The following ACAP2 variants were observed in gnomAD, a reference collection of about 807,000 sequenced individuals.
ACAP2 encodes ArfGAP with coiled-coil, ankyrin repeat and PH domains 2.
In ACAP2, 39 loss-of-function variants were observed where a neutral mutation model predicts 115.8. That is an observed-to-expected ratio of 0.34 (90% CI 0.26 to 0.44). ACAP2 has a LOEUF of 0.44. Ranked by LOEUF, ACAP2 falls within the 20% of genes least tolerant of loss-of-function variation. ACAP2 has a pLI of 1.00. For missense variants in ACAP2, 662 were observed against 927.6 expected (o/e 0.71, Z 3.72); for synonymous variants, 289 against 315.8 (o/e 0.92, Z 0.90).
intron 1 of ACAP2, among the ~76,000 whole-genome samples, chr3:195,435,193 TAGAC>T (rs1715441004): frequency 6.6e-6 from 1 of 151,764 alleles, no homozygotes; most frequent in Admixed American, 6.6e-5. Flanking sequence ...CTTTTTTTTT[TAGAC>T]AGAGTCTCAC....
intron 1 of ACAP2, among the ~76,000 whole-genome samples, chr3:195,421,379 G>C (rs1161168339): frequency 6.6e-6 from 1 of 152,084 alleles, no homozygotes; most frequent in Non-Finnish European, 1.5e-5. Context: ...TCATAATATA[G>C]AAGGCAAAGA....
intron 4 of ACAP2, among the ~76,000 whole-genome samples, chr3:195,371,997 A>C (rs998762158): frequency 6.6e-6 from 1 of 152,226 alleles, no homozygotes; most frequent in African/African-American, 2.4e-5. Flanking sequence ...TAAAATTTAC[A>C]TTGAAACATT....
intron 10 of ACAP2, among the ~76,000 whole-genome samples, chr3:195,312,242 A>C (rs916129977): frequency 5.9e-5 from 9 of 152,098 alleles, no homozygotes; most frequent in African/African-American, 2.2e-4. Context: ...CAAATAGGTA[A>C]ACAACTGGTA....
chr3:195,295,471 G>A, intron 17 of ACAP2: 1 of 575,814 alleles, frequency 1.7e-6, no homozygotes, highest in Non-Finnish European at 3.0e-6. Flanking sequence ...ATCTCCCCTT[G>A]CATTTTAAGC....
intron 4 of ACAP2, among the ~76,000 whole-genome samples, chr3:195,371,062 A>T (rs1412277734): frequency 2.0e-5 from 3 of 151,562 alleles, no homozygotes; most frequent in African/African-American, 7.3e-5. Flanking sequence ...TTTTGGTTCC[A>T]TATAAATTTT....
chr3:195,424,318 A>T (rs1403500859), intron 1 of ACAP2, among the ~76,000 whole-genome samples: 2 of 108,002 alleles, frequency 1.9e-5, no homozygotes, highest in African/African-American at 3.8e-5. Context: ...TTTTTGAAAC[A>T]GAGTCTCGCT....
At chr3:195,326,098 T>C (rs1347067660) in intron 9 of ACAP2, among the ~76,000 whole-genome samples, 1 of 152,222 alleles carries the variant, frequency 6.6e-6, no homozygotes, top group Non-Finnish European at 1.5e-5. Context: ...TACTGGTATT[T>C]TAAATTCTAA....
chr3:195,310,031 G>A (rs999740184), intron 10 of ACAP2, among the ~76,000 whole-genome samples: 1 of 152,304 alleles, frequency 6.6e-6, no homozygotes, highest in African/African-American at 2.4e-5. Flanking sequence ...AGTTTCATGT[G>A]AGATGATTTC....
chr3:195,279,289 G>A lies in ACAP2; in HGVS notation c.*39C>T, dbSNP rs753369388. 1 of 1,394,658 alleles carries A rather than the reference G, an allele frequency of 7.2e-7. No individual in the cohort carries two copies. Among genetic ancestry groups the A allele is most frequent in the Non-Finnish European group, 1.0e-6 (1 of 992,388 alleles). 86.4% of individuals were successfully genotyped at this position (1,394,658 alleles called of 1,614,324 possible). ...TGATTTTTTAGCTGTATACATTAGG[G>A]GGTCACCAGATTTCATATTTTCCCA... On this transcript the variant is annotated 3_prime_UTR_variant, in exon 23 of 23. Transcript: ENST00000326793.
intron 1 of ACAP2, among the ~76,000 whole-genome samples, chr3:195,438,408 T>G (rs1715746206): frequency 6.6e-6 from 1 of 151,396 alleles, no homozygotes; most frequent in South Asian, 2.1e-4. Flanking sequence ...AAAAAAAAAT[T>G]TCCCCTCAGC....
At chr3:195,354,514 C>T (rs957855997) in intron 4 of ACAP2, among the ~76,000 whole-genome samples, 1 of 152,090 alleles carries the variant, frequency 6.6e-6, no homozygotes, top group African/African-American at 2.4e-5. Context: ...CCTTTGCCTG[C>T]TTTTTAATGG....
intron 20 of ACAP2, among the ~76,000 whole-genome samples, chr3:195,289,992 T>C (rs1160602625): frequency 2.6e-5 from 4 of 151,890 alleles, no homozygotes; most frequent in African/African-American, 9.7e-5. Flanking sequence ...TATTCATTAC[T>C]TGAATAAACT....
At chr3:195,385,035 A>G (rs1016988527) in intron 2 of ACAP2, among the ~76,000 whole-genome samples, 1 of 152,122 alleles carries the variant, frequency 6.6e-6, no homozygotes, top group Admixed American at 6.5e-5. Context: ...TAACCTCAAC[A>G]AACTTCCATT....
At position 195,297,262 on chromosome 3, in the gene ACAP2, T is replaced by C; in HGVS notation, c.1415A>G (p.Asn472Ser). ...ELLKLMCELG[N>S]DVINRVYEAN... ...TTCATAAACTCGATTTATAACATCATTCCCCAACTCACACATAAGCTGTTT... is the reference window on the plus strand; with the variant it reads ...TTCATAAACTCGATTTATAACATCACTCCCCAACTCACACATAAGCTGTTT... Residue 472 changes from asparagine (N) to serine (S), a missense_variant, in exon 16 of 23, where the codon AAT becomes AGT. Asn to Ser is a conservative substitution (Grantham distance 46). Coordinates refer to ENST00000326793, the MANE Select transcript of ACAP2 (RefSeq NM_012287.6). The C allele has an allele frequency of 6.2e-7, 1 of 1,612,888 alleles. No homozygotes were observed. The highest frequency in any genetic ancestry group is 8.5e-7 in the Non-Finnish European group (1 of 1,179,654).
At chr3:195,395,654 A>G (rs772973135) in intron 1 of ACAP2, among the ~76,000 whole-genome samples, 1 of 152,258 alleles carries the variant, frequency 6.6e-6, no homozygotes, top group Non-Finnish European at 1.5e-5. Flanking sequence ...AGTAGCTGCA[A>G]GAGAGACCAT....
At position 195,394,882 on chromosome 3, in the gene ACAP2, C is replaced by T. The variant is rs553215071; in HGVS notation, c.54-2735G>A. 9.3e-5 allele frequency among the ~76,000 whole-genome samples: 14 copies of T among 150,656 alleles called. No homozygotes were observed. In the South Asian group the frequency reaches 1.7e-3, roughly 18 times the overall value. ...ACAGTGAGCTATGACTGCACCACTG[C>T]GCTCCTGCCTGGGCCACAGGGCAAG... On this transcript the variant is annotated intron_variant, in intron 1 of 22. Transcript: ENST00000326793.
chr3:195,279,667 T>C, intron 22 of ACAP2: 1 of 313,868 alleles, frequency 3.2e-6, no homozygotes, highest in Non-Finnish European at 5.7e-6. Context: ...AGCTCAGAGT[T>C]AGAAAAGAGC....
In ACAP2 at chr3:195,424,929, A is replaced by T. The variant is rs1454983486; in HGVS notation, c.53+17866T>A. Among the ~76,000 whole-genome samples, 798 of 146,578 alleles carry T rather than the reference A, an allele frequency of 5.4e-3. 24 individuals carry two copies. Among genetic ancestry groups the T allele is most frequent in the African/African-American group, 0.02 (775 of 39,642 alleles). ...AGACCCTGTCTTAAAAAAAAAAAAAAAAAAAAAAAAAAAAAGGTTTTAAGA... is the reference window on the plus strand; with the variant it reads ...AGACCCTGTCTTAAAAAAAAAAAAATAAAAAAAAAAAAAAAGGTTTTAAGA... On this transcript the variant is annotated intron_variant, in intron 1 of 22. Transcript: ENST00000326793.
chr3:195,387,791 G>A (rs540980563), intron 2 of ACAP2, among the ~76,000 whole-genome samples: 1 of 152,312 alleles, frequency 6.6e-6, no homozygotes, highest in African/African-American at 2.4e-5. Context: ...CTCTCTTCAA[G>A]GAGCTAACAG....
Sources: allele counts gnomAD v4.1 joint callset (sites outside exome capture counted in the v4.1 genomes callset), GRCh38; gene constraint gnomAD v4.1.1; transcripts MANE v1.5; gene names NCBI Gene and HGNC (gene_info 2026-07-23, HGNC 2026-07-21).